DPYD: variants seen among roughly 807,000 people sequenced by gnomAD.
DPYD encodes the protein dihydropyrimidine dehydrogenase [NADP(+)].
In DPYD, 109 loss-of-function variants were observed where a neutral mutation model predicts 116.2. The ratio of observed to expected loss-of-function variants is 0.94; its 90% CI spans 0.80 to 1.10. DPYD has a LOEUF of 1.10. Ranked by LOEUF, DPYD falls within the 50% of genes least tolerant of loss-of-function variation. The pLI is 0.00. For missense variants in DPYD, 1,302 were observed against 1,254.5 expected, an observed-to-expected ratio of 1.04 and a Z score of -0.57; for synonymous variants, 440 against 432.0, an observed-to-expected ratio of 1.02 and a Z score of -0.23.
chr1:97,858,071 T>C (rs1369494582), intron 2 of DPYD, among the ~76,000 whole-genome samples: 2 of 152,096 alleles, frequency 1.3e-5, no homozygotes, highest in Non-Finnish European at 2.9e-5. Context: ...CCAATGAGTC[T>C]GTTTCTAAAG....
At chr1:97,517,226 T>C (rs1003899341) in intron 12 of DPYD, among the ~76,000 whole-genome samples, 1 of 152,074 alleles carries the variant, frequency 6.6e-6, no homozygotes, top group Admixed American at 6.6e-5. Flanking sequence ...AGGGATGTTC[T>C]GGGCTTCAAG....
chr1:97,668,817 C>T (rs1274379927), intron 8 of DPYD, among the ~76,000 whole-genome samples: 1 of 151,472 alleles, frequency 6.6e-6, no homozygotes, highest in Non-Finnish European at 1.5e-5. Flanking sequence ...AATGATAAGG[C>T]TCAATAGACA....
intron 20 of DPYD, among the ~76,000 whole-genome samples, chr1:97,142,869 A>T (rs986641069): frequency 3.9e-5 from 6 of 152,058 alleles, no homozygotes; most frequent in Admixed American, 2.0e-4. Flanking sequence ...TTTGATCAAT[A>T]ATTCTTTAGA....
chr1:97,193,359 G>C lies in DPYD; in HGVS notation c.2443-111C>G, dbSNP rs549617075. The C allele has an allele frequency of 5.9e-5, 66 of 1,117,992 alleles. 1 individual carries two copies. The South Asian group carries it at 8.0e-4, about 14-fold the overall frequency. The allele number at this position is 1,117,992 out of a possible 1,614,324, so 69.3% of individuals were successfully genotyped here. A position where few individuals can be genotyped will look rare whatever the true frequency, so the allele number is the denominator to read the frequency against. ...TTATTTTATGTGCCAGGCACTGTTT[G>C]AGGCATGATGGATCAGTAGCCGTCT... On this transcript the variant is annotated intron_variant, in intron 19 of 22. Transcript: ENST00000370192.
At chr1:97,359,288 T>C (rs938601410) in intron 16 of DPYD, among the ~76,000 whole-genome samples, 6 of 152,144 alleles carry the variant, frequency 3.9e-5, no homozygotes, top group African/African-American at 1.4e-4. Context: ...GAACAAAGCC[T>C]CCAAGAAATA....
At chr1:97,425,160 T>C (rs1674793436) in intron 14 of DPYD, among the ~76,000 whole-genome samples, 1 of 152,054 alleles carries the variant, frequency 6.6e-6, no homozygotes, top group Non-Finnish European at 1.5e-5. Context: ...TCTGCATCAA[T>C]ACTATTTTTT....
chr1:97,710,681 G>T (rs1372040493), intron 5 of DPYD, among the ~76,000 whole-genome samples: 1 of 151,322 alleles, frequency 6.6e-6, no homozygotes, highest in Non-Finnish European at 1.5e-5. Flanking sequence ...AATTTGGTAG[G>T]TATTGTTTAG....
chr1:97,384,475 T>C (rs1672197057), intron 14 of DPYD, among the ~76,000 whole-genome samples: 1 of 151,994 alleles, frequency 6.6e-6, no homozygotes, highest in Non-Finnish European at 1.5e-5. Context: ...TTGGCACGTA[T>C]CAAAGACTGA....
chr1:97,093,030 G>A (rs1219890638), intron 21 of DPYD, among the ~76,000 whole-genome samples: 1 of 152,050 alleles, frequency 6.6e-6, no homozygotes, highest in African/African-American at 2.4e-5. Context: ...TCTCTACTTA[G>A]TCTACAGGGC....
At chr1:97,361,755 C>T (rs952897920) in intron 16 of DPYD, among the ~76,000 whole-genome samples, 4 of 152,152 alleles carry the variant, frequency 2.6e-5, no homozygotes, top group African/African-American at 4.8e-5. Context: ...AATTGAACAG[C>T]CTTCATGCTA....
intron 8 of DPYD, among the ~76,000 whole-genome samples, chr1:97,641,111 T>C (rs941414711): frequency 1.3e-5 from 2 of 152,182 alleles, no homozygotes; most frequent in Admixed American, 1.3e-4. Context: ...CTGCTGAGAC[T>C]GTCCTCAGGC....
rs540206973 is a variant in DPYD, at chr1:97,256,084, G to T, written c.2300-21090C>A. ...CAGCTTTCAGTTTTGCCTATTTTAA[G>T]ACTTTATGTTCCTACCAAAAGTTGA... is the stretch of plus-strand genomic sequence containing the variant. On this transcript the variant is annotated intron_variant, in intron 18 of 22. Transcript: ENST00000370192. 3.9e-5 allele frequency among the ~76,000 whole-genome samples: 6 copies of T among 152,198 alleles called. No homozygotes were observed. In the East Asian group the frequency reaches 1.2e-3, roughly 29 times the overall value.
chr1:97,409,083 T>C (rs1276528299), intron 14 of DPYD, among the ~76,000 whole-genome samples: 1 of 152,042 alleles, frequency 6.6e-6, no homozygotes, highest in Admixed American at 6.6e-5. Flanking sequence ...CTTTATAAAT[T>C]CCCCTTCATA....
chr1:97,312,739 G>C (rs1667590694), intron 16 of DPYD, among the ~76,000 whole-genome samples: 1 of 151,804 alleles, frequency 6.6e-6, no homozygotes, highest in South Asian at 2.1e-4. Flanking sequence ...CATTTATGCT[G>C]TAACCTGTTA....
intron 20 of DPYD, among the ~76,000 whole-genome samples, chr1:97,129,071 T>G (rs1283262671): frequency 1.5e-5 from 2 of 136,286 alleles, no homozygotes; most frequent in Non-Finnish European, 3.2e-5. Context: ...GCTGTATTCT[T>G]TTTTTTTTTT....
At chr1:97,441,328 A>G (rs1373926705) in intron 14 of DPYD, among the ~76,000 whole-genome samples, 4 of 151,960 alleles carry the variant, frequency 2.6e-5, no homozygotes, top group African/African-American at 9.7e-5. Flanking sequence ...AGGGACTCTA[A>G]TTACACATAT....
At chr1:97,885,835 A>T (rs1672459583) in intron 1 of DPYD, among the ~76,000 whole-genome samples, 1 of 152,078 alleles carries the variant, frequency 6.6e-6, no homozygotes, top group African/African-American at 2.4e-5. Flanking sequence ...ACTTTTTGAG[A>T]TATAAGGTAG....
At chr1:97,091,331 A>G (rs1649884002) in intron 21 of DPYD, among the ~76,000 whole-genome samples, 1 of 152,172 alleles carries the variant, frequency 6.6e-6, no homozygotes, top group South Asian at 2.1e-4. Context: ...AATATTAAGC[A>G]TGAAAACAGA....
In DPYD at chr1:97,195,672, A is replaced by G. The variant is rs868549493; in HGVS notation, c.2443-2424T>C. 2.7e-3 allele frequency among the ~76,000 whole-genome samples: 164 copies of G among 59,740 alleles called. 17 individuals are homozygous for G. The highest frequency in any genetic ancestry group is 0.018 in the Middle Eastern group (2 of 114). 39.2% of individuals were successfully genotyped at this position (59,740 alleles called of 152,430 possible). A position where few individuals can be genotyped will look rare whatever the true frequency, so the allele number is the denominator to read the frequency against. On this transcript the variant is annotated intron_variant, in intron 19 of 22. Coordinates refer to ENST00000370192, the MANE Select transcript of DPYD (RefSeq NM_000110.4). ...TATATATATATATATATATATATAT[A>G]TATATATATATATATATGCCTAGGA...
Sources: allele counts gnomAD v4.1 joint callset (sites outside exome capture counted in the v4.1 genomes callset), GRCh38; gene constraint gnomAD v4.1.1; transcripts MANE v1.5; gene names NCBI Gene and HGNC (gene_info 2026-07-23, HGNC 2026-07-21).